PTPRN2: variants seen among roughly 807,000 people sequenced by gnomAD.
PTPRN2 encodes the protein receptor-type tyrosine-protein phosphatase N2.
A neutral mutation model predicts 118.8 loss-of-function variants in PTPRN2; 74 were observed. The ratio of observed to expected loss-of-function variants is 0.62; its 90% confidence interval spans 0.52 to 0.76. The LOEUF (loss-of-function observed/expected upper bound fraction) is 0.76, where lower values mean the gene tolerates loss of function less well. PTPRN2 is among the 30% of genes least tolerant of loss of function. The pLI, the probability that PTPRN2 is intolerant of heterozygous loss-of-function variation, is 0.00. For missense variants in PTPRN2, 1,481 were observed against 1,394.4 expected (o/e 1.06, Z -0.99); for synonymous variants, 641 against 608.0 (o/e 1.05, Z -0.80).
chr7:157,661,944 C>T lies in PTPRN2; in HGVS notation c.2002-5393G>A, dbSNP rs560304637. ...ACAGAGGCAACGGGGCCACCATGGA[C>T]GCCTCCTAGAAACCAGGACCCAGAA... On this transcript the variant is annotated intron_variant, in intron 13 of 22. Transcript: ENST00000389418. Among the ~76,000 whole-genome samples, 7 of 152,304 alleles carry T rather than the reference C, an allele frequency of 4.6e-5. No homozygotes were observed. In the South Asian group the frequency reaches 8.3e-4, roughly 18 times the overall value.
chr7:157,639,079 C>T (rs1804513811), intron 14 of PTPRN2, among the ~76,000 whole-genome samples: 3 of 151,818 alleles, frequency 2.0e-5, no homozygotes, highest in Admixed American at 2.0e-4. Flanking sequence ...CTCTGTGGCC[C>T]ATGCTGGAGT....
At chr7:157,597,483 TG>T (rs1585084929) in intron 16 of PTPRN2, among the ~76,000 whole-genome samples, 1 of 149,416 alleles carries the variant, frequency 6.7e-6, no homozygotes, top group Non-Finnish European at 1.5e-5. Context: ...TGTGTGTGTG[TG>T]TTTTTTTTTT....
chr7:158,357,985 TTC>T (rs1808524763), intron 2 of PTPRN2, among the ~76,000 whole-genome samples: 1 of 152,204 alleles, frequency 6.6e-6, no homozygotes, highest in Non-Finnish European at 1.5e-5. Flanking sequence ...ATGTCTCTGT[TTC>T]TCTCTTTCTG....
At position 158,180,807 on chromosome 7, in the gene PTPRN2, TC is replaced by T. The variant is rs573906004; in HGVS notation, c.549+11519del. Among the ~76,000 whole-genome samples the T allele has an allele frequency of 8.5e-4, 130 of 152,348 alleles. 1 individual carries two copies. Among genetic ancestry groups the T allele is most frequent in the Admixed American group, 3.5e-3 (53 of 15,308 alleles). ...ACATTGATTTTGTAACCTGAGACTT[TC>T]CTGAATTCGTTTATGAAATCTAGGA... On this transcript the variant is annotated intron_variant, in intron 5 of 22. Coordinates refer to ENST00000389418, the MANE Select transcript of PTPRN2 (RefSeq NM_002847.5).
At chr7:157,634,185 TA>T in intron 14 of PTPRN2, among the ~76,000 whole-genome samples, 1 of 152,306 alleles carries the variant, frequency 6.6e-6, no homozygotes, top group South Asian at 2.1e-4. Flanking sequence ...TGTCATTGTT[TA>T]AACTCTTCAC....
At chr7:158,327,169 G>A (rs1803666960) in intron 2 of PTPRN2, among the ~76,000 whole-genome samples, 1 of 145,416 alleles carries the variant, frequency 6.9e-6, no homozygotes, top group African/African-American at 2.6e-5. Flanking sequence ...ATTCTCACAT[G>A]CACACACACA....
intron 4 of PTPRN2, among the ~76,000 whole-genome samples, chr7:158,194,203 T>G (rs1826028204): frequency 6.6e-6 from 1 of 152,216 alleles, no homozygotes; most frequent in African/African-American, 2.4e-5. Context: ...TGTGTATGTG[T>G]GCGCCTGCAC....
At position 158,450,688 on chromosome 7, in the gene PTPRN2, G is replaced by A. The variant is rs149543630; in HGVS notation, c.163+39047C>T. On this transcript the variant is annotated intron_variant, in intron 2 of 22. Coordinates refer to ENST00000389418, the MANE Select transcript of PTPRN2 (RefSeq NM_002847.5). ...TCTGTGAGATGATCCGAGTCGCCCC[G>A]TCATGGCTAAATTCCACTGTTCCAT... 1.2e-3 allele frequency among the ~76,000 whole-genome samples: 190 copies of A among 152,272 alleles called. 1 individual carries two copies. The highest frequency in any genetic ancestry group is 2.9e-3 in the Admixed American group (44 of 15,298).
intron 2 of PTPRN2, among the ~76,000 whole-genome samples, chr7:158,333,878 C>T (rs376998266): frequency 1.4e-5 from 2 of 145,086 alleles, no homozygotes; most frequent in East Asian, 2.2e-4. Context: ...CACACCCACA[C>T]TCTCACCATA....
At chr7:158,046,115 G>A (rs13311058) in intron 11 of PTPRN2, among the ~76,000 whole-genome samples, 57,246 of 137,866 alleles carry the variant, frequency 0.42, 12,899 homozygotes, top group Non-Finnish European at 0.51. Flanking sequence ...AGCAGAACCT[G>A]TGATCCTGGC....
rs1278904971 is a variant in PTPRN2 at position 157,881,671 on chromosome 7, C to CTG, written c.1788+17001_1788+17002insCA. Reference sequence around the variant, plus strand: ...GAGAGGATTTCCTGTTTTCGTGGAACGTTAAGTCCAAGTGCTTGTCAACAG... The same window carrying CTG: ...GAGAGGATTTCCTGTTTTCGTGGAACTGGTTAAGTCCAAGTGCTTGTCAACAG... On this transcript the variant is annotated intron_variant, in intron 12 of 22. Coordinates refer to ENST00000389418, the MANE Select transcript of PTPRN2 (RefSeq NM_002847.5). This position sits in a 1 kb window ranked among gnomAD's most constrained non-coding sequence, Gnocchi z 4.7. Among the ~76,000 whole-genome samples, 1 of 151,652 alleles carries CTG rather than the reference C, an allele frequency of 6.6e-6. No individual in the cohort carries two copies. Among genetic ancestry groups the CTG allele is most frequent in the Non-Finnish European group, 1.5e-5 (1 of 67,966 alleles).
chr7:157,895,185 G>A (rs1797038795), intron 12 of PTPRN2, among the ~76,000 whole-genome samples: 1 of 152,042 alleles, frequency 6.6e-6, no homozygotes, highest in Admixed American at 6.6e-5. Context: ...ATAAGCCAGA[G>A]GATCTGGACG....
chr7:158,052,580 C>A (rs543197570), intron 11 of PTPRN2, among the ~76,000 whole-genome samples: 1 of 144,512 alleles, frequency 6.9e-6, no homozygotes, highest in Admixed American at 6.8e-5. Context: ...GGGCGCCCTT[C>A]GGACCTCCTG....
chr7:158,394,594 C>T (rs551990023), intron 2 of PTPRN2, among the ~76,000 whole-genome samples: 78 of 152,372 alleles, frequency 5.1e-4, no homozygotes, highest in Non-Finnish European at 1.0e-3. Flanking sequence ...GTACTGGCTG[C>T]TCGTCCATCC....
chr7:157,877,802 G>A (rs537221185), intron 12 of PTPRN2, among the ~76,000 whole-genome samples: 7 of 152,274 alleles, frequency 4.6e-5, no homozygotes, highest in Non-Finnish European at 7.4e-5. Flanking sequence ...GCTCAGAGAC[G>A]TCTTCTTCAG....
intron 1 of PTPRN2, among the ~76,000 whole-genome samples, chr7:158,490,102 C>T (rs754570108): frequency 2.0e-5 from 3 of 152,166 alleles, no homozygotes; most frequent in Non-Finnish European, 2.9e-5. Flanking sequence ...GGGGCCGGGG[C>T]CTCCCCTTGA....
At chr7:157,765,224 C>T (rs1802381758) in intron 12 of PTPRN2, among the ~76,000 whole-genome samples, 1 of 151,404 alleles carries the variant, frequency 6.6e-6, no homozygotes, top group South Asian at 2.1e-4. Flanking sequence ...CCCATCCATC[C>T]ATCCTTCTTT....
chr7:157,768,496 C>T (rs533475148), intron 12 of PTPRN2, among the ~76,000 whole-genome samples: 40 of 152,262 alleles, frequency 2.6e-4, no homozygotes, highest in Non-Finnish European at 5.0e-4. Context: ...CATGAGAGCA[C>T]GCGGCCGCAA....
intron 2 of PTPRN2, among the ~76,000 whole-genome samples, chr7:158,342,138 G>A (rs1260741780): frequency 3.4e-3 from 328 of 96,226 alleles, no homozygotes; most frequent in East Asian, 0.011. Context: ...AAGAGCTGTC[G>A]CCCGCAGAGG....
Sources: allele counts gnomAD v4.1 joint callset (sites outside exome capture counted in the v4.1 genomes callset), GRCh38; gene constraint gnomAD v4.1.1; non-coding constraint Gnocchi (gnomAD v3.1); transcripts MANE v1.5; gene names NCBI Gene and HGNC (gene_info 2026-07-23, HGNC 2026-07-21).